CPM: variants seen among roughly 807,000 people sequenced by gnomAD.
CPM encodes renal carboxypeptidase.
A neutral mutation model predicts 46.4 loss-of-function variants in CPM; 35 were observed. The observed-to-expected ratio is 0.75, with a 90% CI of 0.58 to 1.00. CPM has a LOEUF of 1.00. CPM is among the 50% of genes least tolerant of loss of function. The pLI, the probability that CPM is intolerant of heterozygous loss-of-function variation, is 0.00. For missense variants in CPM, 422 were observed against 530.4 expected (o/e 0.80, Z 2.01); for synonymous variants, 195 against 195.3 (o/e 1.00, Z 0.01).
At chr12:68,866,712 G>T (rs779716700) in intron 7 of CPM, 184 bp downstream of exon 7, 1 of 560,120 alleles carries the variant, frequency 1.8e-6, no homozygotes, top group African/African-American at 1.9e-5. Flanking sequence ...ATGAATGAGT[G>T]GGCACTGCAT....
intron 2 of CPM, among the ~76,000 whole-genome samples, chr12:68,932,035 T>C (rs954481572): frequency 6.6e-6 from 1 of 152,216 alleles, no homozygotes; most frequent in South Asian, 2.1e-4. Flanking sequence ...TTATCTAGCA[T>C]TGTCTTCTTC....
chr12:68,897,701 C>T (rs1349381001), intron 2 of CPM, among the ~76,000 whole-genome samples: 1 of 144,474 alleles, frequency 6.9e-6, no homozygotes, highest in African/African-American at 2.6e-5. Context: ...CGTGCCATTG[C>T]ACTCCAGTCT....
At chr12:68,912,865 A>G (rs1031863723) in intron 2 of CPM, among the ~76,000 whole-genome samples, 2 of 152,198 alleles carry the variant, frequency 1.3e-5, no homozygotes, top group Non-Finnish European at 2.9e-5. Context: ...CAGATGTAAA[A>G]GCTTATTTTG....
rs573240253 is a variant in CPM at position 68,940,680 on chromosome 12, A to G, written c.-3-7840T>C. Among the ~76,000 whole-genome samples the G allele has an allele frequency of 7.2e-5, 11 of 151,736 alleles. No individual in the cohort carries two copies. In the South Asian group the frequency reaches 2.3e-3, roughly 32 times the overall value. ...CTCCAAACGTTTGAGTAGGACCACC[A>G]TCCAAATGAGAAGGGCACTGAGACT... On this transcript the variant is annotated intron_variant, in intron 1 of 8. Transcript: ENST00000546373.
chr12:68,888,507 C>A (rs901462625), intron 2 of CPM, among the ~76,000 whole-genome samples: 2 of 152,146 alleles, frequency 1.3e-5, no homozygotes, highest in African/African-American at 4.8e-5. Context: ...TTTTAACTGC[C>A]CTCTCCAGCT....
rs1279217726 is a variant in CPM, at chr12:68,851,407, C to G, written c.*5030G>C. 6.6e-6 allele frequency: 1 copy of G among 152,344 alleles called. No homozygotes were observed. Among genetic ancestry groups the G allele is most frequent in the Non-Finnish European group, 1.5e-5 (1 of 68,100 alleles). The allele number at this position is 152,344 out of a possible 1,614,324, so 9.4% of individuals were successfully genotyped here. On this transcript the variant is annotated 3_prime_UTR_variant, in exon 9 of 9. Coordinates refer to ENST00000551568, the MANE Select transcript of CPM (RefSeq NM_198320.5). ...CAGGCAGATCATGAGGTCAGGAGAT[C>G]GAGACCATCCTGGCTAACACGGTGA...
intron 1 of CPM, chr12:68,957,359 G>T: frequency 4.7e-6 from 1 of 214,688 alleles, no homozygotes; most frequent in Non-Finnish European, 1.0e-5. Context: ...ACAGCTCTCT[G>T]GTGATTCTTT....
intron 6 of CPM, among the ~76,000 whole-genome samples, chr12:68,867,549 T>C (rs1388164846): frequency 6.6e-6 from 1 of 152,194 alleles, no homozygotes; most frequent in Non-Finnish European, 1.5e-5. Context: ...ATCAGCTCAT[T>C]TAATCCTCAC....
chr12:68,916,682 A>G lies in CPM; in HGVS notation c.160+15996T>C, dbSNP rs961201750. ...GAGGCAGGCAGATCACAAGGTCAGGAGTTCGAGACCAACCTGGACAACATG... is the reference window on the plus strand; with the variant it reads ...GAGGCAGGCAGATCACAAGGTCAGGGGTTCGAGACCAACCTGGACAACATG... On this transcript the variant is annotated intron_variant, in intron 2 of 8. Transcript: ENST00000551568. Among the ~76,000 whole-genome samples, 20 of 152,116 alleles carry G rather than the reference A, an allele frequency of 1.3e-4. 1 individual carries two copies. The highest frequency in any genetic ancestry group is 4.6e-4 in the African/African-American group (19 of 41,404).
At chr12:68,928,711 G>A (rs1189093853) in intron 2 of CPM, among the ~76,000 whole-genome samples, 4 of 151,418 alleles carry the variant, frequency 2.6e-5, no homozygotes, top group Non-Finnish European at 5.9e-5. Context: ...ATACAATGAT[G>A]ATCAGACTTA....
At chr12:68,930,367 T>C (rs954283573) in intron 2 of CPM, among the ~76,000 whole-genome samples, 4 of 152,150 alleles carry the variant, frequency 2.6e-5, no homozygotes, top group African/African-American at 9.7e-5. Context: ...CAGGCATGAG[T>C]CACTGGGCCT....
intron 2 of CPM, among the ~76,000 whole-genome samples, chr12:68,901,529 T>C (rs918726056): frequency 6.6e-6 from 1 of 152,176 alleles, no homozygotes; most frequent in African/African-American, 2.4e-5. Context: ...ACCTCTCTAT[T>C]TGGAAAAAAA....
In CPM at chr12:68,855,325, G is replaced by T. The variant is rs1171271082; in HGVS notation, c.*1112C>A. The T allele has an allele frequency of 6.6e-6, 1 of 152,250 alleles. No homozygotes were observed. The highest frequency in any genetic ancestry group is 1.5e-5 in the Non-Finnish European group (1 of 68,124). The allele number at this position is 152,250 out of a possible 1,614,324, so 9.4% of individuals were successfully genotyped here. ...CAGGATGAGTATCTCCACATGATGG[G>T]TTGGAGGTACCTGTGAGTCACATCC... On this transcript the variant is annotated 3_prime_UTR_variant, in exon 9 of 9. Coordinates refer to ENST00000551568, the MANE Select transcript of CPM (RefSeq NM_198320.5).
chr12:68,843,213 G>A (rs928108582), intron 5 of CPM: 4 of 223,152 alleles, frequency 1.8e-5, no homozygotes, highest in African/African-American at 9.0e-5. Flanking sequence ...GAAGGAATAA[G>A]TTCTAGCTGA....
At chr12:68,902,048 A>G (rs960066184) in intron 2 of CPM, among the ~76,000 whole-genome samples, 1 of 152,192 alleles carries the variant, frequency 6.6e-6, no homozygotes, top group Admixed American at 6.5e-5. Context: ...CTTTCAATTT[A>G]TCCTTTAACG....
At chr12:68,858,636 T>A (rs576472598) in intron 8 of CPM, among the ~76,000 whole-genome samples, 82 of 152,244 alleles carry the variant, frequency 5.4e-4, no homozygotes, top group Non-Finnish European at 1.1e-3. Flanking sequence ...TTATTATTAA[T>A]CGGGTTACAT....
chr12:68,907,484 T>C (rs763591460), intron 2 of CPM, among the ~76,000 whole-genome samples: 5 of 152,190 alleles, frequency 3.3e-5, no homozygotes, highest in Non-Finnish European at 7.3e-5. Flanking sequence ...TAGAACAACA[T>C]GCACAGTAGG....
At chr12:68,871,978 G>A (rs373165022) in intron 3 of CPM, 22 bp from the exon 4 acceptor site, 19 of 1,613,522 alleles carry the variant, frequency 1.2e-5, no homozygotes, top group Middle Eastern at 3.3e-4. Context: ...AAAGAGAAAA[G>A]AGGACATTAT....
intron 1 of CPM, among the ~76,000 whole-genome samples, chr12:68,961,663 C>G (rs993220301): frequency 2.0e-5 from 3 of 151,974 alleles, no homozygotes; most frequent in African/African-American, 7.3e-5. Context: ...CTTGTAATCC[C>G]AGCACTTTGG....
Sources: gnomAD v4.1 joint callset for allele counts (sites outside exome capture counted in the v4.1 genomes callset) on GRCh38, gnomAD v4.1.1 for gene constraint, MANE v1.5 for transcripts, NCBI Gene and HGNC (gene_info 2026-07-23, HGNC 2026-07-21) for gene names.